PDZRN3: variants seen among roughly 807,000 people sequenced by gnomAD.
PDZRN3 encodes the protein PDZ domain containing ring finger 3, also known as E3 ubiquitin-protein ligase PDZRN3.
PDZRN3 carries 38 observed loss-of-function variants against 85.7 expected under a neutral mutation model. The ratio of observed to expected loss-of-function variants is 0.44; its 90% confidence interval spans 0.34 to 0.58. The LOEUF is 0.58. Among genes scored for constraint, PDZRN3 ranks in the 20% least tolerant of loss-of-function variants. PDZRN3 has a pLI of 0.01. For missense variants in PDZRN3, 1,629 were observed against 1,506.4 expected (o/e 1.08, Z -1.35); for synonymous variants, 759 against 638.0 (o/e 1.19, Z -2.86).
At position 73,383,695 on chromosome 3, in the gene PDZRN3, C is replaced by T. The variant is rs1156322108; in HGVS notation, c.2871G>A (p.Met957Ile). The change falls in exon 10 of 10, where the codon ATG becomes ATA. Residue 957 changes from methionine (M) to isoleucine (I), a missense_variant. Coordinates refer to ENST00000263666, the MANE Select transcript of PDZRN3 (RefSeq NM_015009.3). ...CGCTCACCGCGTCGTCGTCGGTGGT[C>T]ATGCCGCTGCGCTCTTCCCGGATCT... ...ALKIREERSG[M>I]TTDDDAVSEM... 1.2e-6 allele frequency: 2 copies of T among 1,611,746 alleles called. No individual in the cohort carries two copies. The highest frequency in any genetic ancestry group is 2.2e-5 in the East Asian group (1 of 44,862).
intron 3 of PDZRN3, among the ~76,000 whole-genome samples, chr3:73,469,239 A>G (rs1434150835): frequency 6.6e-6 from 1 of 151,914 alleles, no homozygotes; most frequent in Admixed American, 6.6e-5. Context: ...TGCCCAGATA[A>G]TTTTTGTATC....
At chr3:73,493,387 G>A (rs140458878) in intron 3 of PDZRN3, among the ~76,000 whole-genome samples, 23 of 152,244 alleles carry the variant, frequency 1.5e-4, no homozygotes, top group African/African-American at 5.1e-4. Context: ...CATGGAGCAC[G>A]GTGACCATGA....
chr3:73,453,331 G>A (rs945785678), intron 3 of PDZRN3, among the ~76,000 whole-genome samples: 26 of 149,124 alleles, frequency 1.7e-4, no homozygotes, highest in South Asian at 1.5e-3. Flanking sequence ...ACTTGAAGCC[G>A]GGAGGCGGAG....
At chr3:73,537,407 C>T (rs552161041) in intron 3 of PDZRN3, among the ~76,000 whole-genome samples, 13 of 152,278 alleles carry the variant, frequency 8.5e-5, no homozygotes, top group Non-Finnish European at 4.4e-5. Flanking sequence ...AGTTAACCTA[C>T]TCTAATAAGG....
intron 3 of PDZRN3, among the ~76,000 whole-genome samples, chr3:73,576,294 T>C (rs759554227): frequency 6.6e-6 from 1 of 152,162 alleles, no homozygotes; most frequent in African/African-American, 2.4e-5. Context: ...TTAGAGGTGT[T>C]ACCCAAAGCC....
At chr3:73,414,598 A>G (rs567799365) in intron 3 of PDZRN3, among the ~76,000 whole-genome samples, 1 of 152,350 alleles carries the variant, frequency 6.6e-6, no homozygotes, top group South Asian at 2.1e-4. Flanking sequence ...TTGGAAGAAA[A>G]TGCTGTTGAT....
chr3:73,531,168 A>ATGAACCCGGGAGGCG (rs1704644438), intron 3 of PDZRN3, among the ~76,000 whole-genome samples: 1 of 149,200 alleles, frequency 6.7e-6, no homozygotes, highest in Non-Finnish European at 1.5e-5. Context: ...GGAGAATGGC[A>ATGAACCCGGGAGGCG]TGAACCCGGG....
At chr3:73,388,522 C>T (rs1284484561) in intron 7 of PDZRN3, among the ~76,000 whole-genome samples, 1 of 152,152 alleles carries the variant, frequency 6.6e-6, no homozygotes, top group East Asian at 1.9e-4. Context: ...CCCAGTTTGA[C>T]ACTTAAACTT....
At position 73,404,185 on chromosome 3, in the gene PDZRN3, T is replaced by C; in HGVS notation, c.1129A>G (p.Ser377Gly). Residue 377 changes from serine (S) to glycine (G), a missense_variant, in exon 4 of 10, where the codon AGC (serine) becomes GGC (glycine). Ser to Gly is a moderately conservative substitution (Grantham distance 56). Coordinates refer to ENST00000263666, the MANE Select transcript of PDZRN3 (RefSeq NM_015009.3). ...AGATAGGGATCCAGCACGGGTGGGCTGGGAGAGGACATCTTAGTGAGGGCC... is the reference window on the plus strand; with the variant it reads ...AGATAGGGATCCAGCACGGGTGGGCCGGGAGAGGACATCTTAGTGAGGGCC... ...IMALTKMSSP[S>G]PPVLDPYLLP... is the part of the protein sequence containing the mutation. 1 of 1,614,080 alleles carries C rather than the reference T, an allele frequency of 6.2e-7. No homozygotes were observed. Among genetic ancestry groups the C allele is most frequent in the South Asian group, 1.1e-5 (1 of 91,076 alleles).
chr3:73,477,126 A>T (rs1703473667), intron 3 of PDZRN3, among the ~76,000 whole-genome samples: 1 of 152,204 alleles, frequency 6.6e-6, no homozygotes, highest in Non-Finnish European at 1.5e-5. Context: ...TGCAGGCACC[A>T]TCATTATTAT....
intron 3 of PDZRN3, among the ~76,000 whole-genome samples, chr3:73,453,420 A>AAAC (rs1702911542): frequency 1.1e-5 from 1 of 90,890 alleles, no homozygotes; most frequent in African/African-American, 3.7e-5. Context: ...AAAAAAAAAA[A>AAAC]AAACAAAAAA....
At chr3:73,597,673 C>T (rs1421775926) in intron 3 of PDZRN3, among the ~76,000 whole-genome samples, 1 of 147,280 alleles carries the variant, frequency 6.8e-6, no homozygotes, top group Non-Finnish European at 1.5e-5. Context: ...ATGGCCTCTA[C>T]AAGTCTTTGA....
At chr3:73,417,384 G>A (rs2129823) in intron 3 of PDZRN3, among the ~76,000 whole-genome samples, 110,981 of 152,140 alleles carry the variant, frequency 0.73, 41,163 homozygotes, top group African/African-American at 0.86. Flanking sequence ...GCAGTGGTCC[G>A]TATTTTATTC....
intron 3 of PDZRN3, among the ~76,000 whole-genome samples, chr3:73,490,000 A>C (rs1410000238): frequency 1.3e-5 from 2 of 152,234 alleles, no homozygotes. Context: ...GAATCAGCCA[A>C]GTTACTTATA....
intron 3 of PDZRN3, among the ~76,000 whole-genome samples, chr3:73,529,941 T>C (rs1704614685): frequency 6.6e-6 from 1 of 152,200 alleles, no homozygotes; most frequent in Non-Finnish European, 1.5e-5. Context: ...TTATATGCAT[T>C]AATGCACAGC....
chr3:73,483,922 T>A (rs1424828323), intron 3 of PDZRN3, among the ~76,000 whole-genome samples: 1 of 152,134 alleles, frequency 6.6e-6, no homozygotes, highest in Non-Finnish European at 1.5e-5. Flanking sequence ...CCGTCAGAAC[T>A]TTACCCATTA....
chr3:73,393,784 C>T (rs755810264), intron 5 of PDZRN3, among the ~76,000 whole-genome samples: 20 of 152,250 alleles, frequency 1.3e-4, no homozygotes, highest in Non-Finnish European at 2.4e-4. Context: ...GTGATAGTGA[C>T]GCTCTGTTAT....
chr3:73,441,861 C>A (rs1428626298), intron 3 of PDZRN3, among the ~76,000 whole-genome samples: 1 of 152,188 alleles, frequency 6.6e-6, no homozygotes, highest in Non-Finnish European at 1.5e-5. Context: ...GACTGGCCTG[C>A]TGAACAGGAC....
At chr3:73,583,582 T>C (rs1370857817) in intron 3 of PDZRN3, among the ~76,000 whole-genome samples, 1 of 152,076 alleles carries the variant, frequency 6.6e-6, no homozygotes, top group Middle Eastern at 3.2e-3. Flanking sequence ...CAAGGAAACA[T>C]GGCAGCCATA....
Sources: gnomAD v4.1 joint callset for allele counts (sites outside exome capture counted in the v4.1 genomes callset) on GRCh38, gnomAD v4.1.1 for gene constraint, MANE v1.5 for transcripts, NCBI Gene and HGNC (gene_info 2026-07-23, HGNC 2026-07-21) for gene names.